PSD3: variants seen among roughly 807,000 people sequenced by gnomAD.
PSD3 encodes pleckstrin and Sec7 domain containing 3, also known as PH and SEC7 domain-containing protein 3.
PSD3 carries 49 observed loss-of-function variants against 105.5 expected under a neutral mutation model. The ratio of observed to expected loss-of-function variants is 0.46; its 90% CI spans 0.37 to 0.59. PSD3 has a LOEUF of 0.59. Ranked by LOEUF, PSD3 falls within the 20% of genes least tolerant of loss-of-function variation. The pLI, the probability that PSD3 is intolerant of heterozygous loss-of-function variation, is 0.00. For synonymous variants in PSD3, 557 were observed against 457.8 expected, an observed-to-expected ratio of 1.22 and a Z score of -2.77; for missense variants, 1,561 against 1,263.8, an observed-to-expected ratio of 1.24 and a Z score of -3.57.
intron 1 of PSD3, among the ~76,000 whole-genome samples, chr8:19,075,130 T>C (rs980231666): frequency 5.9e-5 from 9 of 151,576 alleles, no homozygotes; most frequent in Non-Finnish European, 8.8e-5. Flanking sequence ...GTATTTTCAG[T>C]AGAGACAGGA....
At chr8:18,653,453 A>G (rs13260938) in intron 10 of PSD3, among the ~76,000 whole-genome samples, 65,883 of 151,904 alleles carry the variant, frequency 0.43, 14,761 homozygotes, top group South Asian at 0.54. Flanking sequence ...CAGTGTTTTC[A>G]AACATTTCAG....
chr8:18,903,529 C>A (rs749789652), intron 2 of PSD3, among the ~76,000 whole-genome samples: 2 of 152,144 alleles, frequency 1.3e-5, no homozygotes, highest in Non-Finnish European at 2.9e-5. Context: ...ACCAGCTCCA[C>A]GGAAGCAGGA....
intron 4 of PSD3, among the ~76,000 whole-genome samples, chr8:18,826,648 G>C (rs1005732004): frequency 2.6e-5 from 4 of 152,202 alleles, no homozygotes; most frequent in Non-Finnish European, 4.4e-5. Flanking sequence ...TGTTATCTTT[G>C]AAGTTTGAAG....
chr8:18,870,991 C>A (rs953783503), intron 3 of PSD3, among the ~76,000 whole-genome samples: 21 of 152,058 alleles, frequency 1.4e-4, no homozygotes, highest in Non-Finnish European at 2.9e-4. Flanking sequence ...CCCAGCTACT[C>A]AGAGGGCTGA....
chr8:18,737,264 C>T (rs570497530), intron 9 of PSD3, among the ~76,000 whole-genome samples: 2 of 152,206 alleles, frequency 1.3e-5, no homozygotes, highest in East Asian at 1.9e-4. Context: ...AAATAGGGCC[C>T]ACAGTTAGAA....
intron 1 of PSD3, among the ~76,000 whole-genome samples, chr8:19,012,034 C>G (rs1052827295): frequency 2.0e-5 from 3 of 152,190 alleles, no homozygotes; most frequent in African/African-American, 7.2e-5. Flanking sequence ...TCCCCTCACC[C>G]TACCAGGAAA....
At chr8:18,834,952 G>C (rs1400019576) in intron 4 of PSD3, among the ~76,000 whole-genome samples, 1 of 152,124 alleles carries the variant, frequency 6.6e-6, no homozygotes, top group South Asian at 2.1e-4. Context: ...AGGGTAAGCA[G>C]ATAAGAATTA....
intron 9 of PSD3, among the ~76,000 whole-genome samples, chr8:18,721,845 T>C (rs1400265766): frequency 6.6e-6 from 1 of 152,162 alleles, no homozygotes; most frequent in Admixed American, 6.5e-5. Flanking sequence ...GTTCAAAATG[T>C]GTTGCATTAA....
At chr8:18,588,534 C>G (rs998110999) in intron 12 of PSD3, among the ~76,000 whole-genome samples, 7 of 152,138 alleles carry the variant, frequency 4.6e-5, no homozygotes, top group African/African-American at 1.7e-4. Context: ...GAAATAGCAA[C>G]CCGAACAATA....
At position 18,754,037 on chromosome 8, in the gene PSD3, C is replaced by T. The variant is rs1057274023; in HGVS notation, c.2172+11412G>A. ...ATCTGAGGAACATCACTTCCTTGAA[C>T]TCCATTCTTCTAATTCATGGCCAAA... On this transcript the variant is annotated intron_variant, in intron 9 of 15. Transcript: ENST00000327040. 2.6e-5 allele frequency among the ~76,000 whole-genome samples: 4 copies of T among 152,162 alleles called. No individual in the cohort carries two copies. In the East Asian group the frequency reaches 5.8e-4, roughly 22 times the overall value.
At chr8:18,774,585 T>G (rs552101956) in intron 8 of PSD3, 30 of 376,392 alleles carry the variant, frequency 8.0e-5, no homozygotes, top group South Asian at 6.6e-4. Flanking sequence ...TGGTACAGCC[T>G]GTTCCTGCTG....
chr8:18,687,335 G>C (rs1022142687), intron 9 of PSD3, among the ~76,000 whole-genome samples: 2 of 152,048 alleles, frequency 1.3e-5, no homozygotes, highest in Admixed American at 1.3e-4. Context: ...GCATGATGAT[G>C]AGCACCTGTG....
chr8:18,582,043 AC>A (rs1346517611), intron 12 of PSD3, among the ~76,000 whole-genome samples: 1 of 152,206 alleles, frequency 6.6e-6, no homozygotes, highest in Admixed American at 6.5e-5. Context: ...GACTTACTTT[AC>A]TTTAGAGTTC....
At chr8:18,823,082 G>C (rs1052863885) in intron 4 of PSD3, among the ~76,000 whole-genome samples, 4 of 127,556 alleles carry the variant, frequency 3.1e-5, no homozygotes, top group Non-Finnish European at 4.9e-5. Context: ...GAGGAAAAGG[G>C]AGAATGGAGA....
chr8:18,882,349 G>A (rs370679602), intron 2 of PSD3, among the ~76,000 whole-genome samples: 1 of 152,138 alleles, frequency 6.6e-6, no homozygotes, highest in African/African-American at 2.4e-5. Flanking sequence ...AAGGATTCAG[G>A]AAACAGTAGG....
At chr8:18,863,455 C>T (rs1341339296) in intron 4 of PSD3, among the ~76,000 whole-genome samples, 3 of 152,126 alleles carry the variant, frequency 2.0e-5, no homozygotes, top group Non-Finnish European at 2.9e-5. Flanking sequence ...GGGGATGCTC[C>T]TCTTTGCTTC....
intron 1 of PSD3, among the ~76,000 whole-genome samples, chr8:19,051,708 A>C (rs1289005937): frequency 6.6e-6 from 1 of 152,244 alleles, no homozygotes; most frequent in East Asian, 1.9e-4. Context: ...TTGGGGGATT[A>C]GCATGTTACC....
chr8:18,949,244 A>AAAAAAAAAATATATATATAT (rs1345423514), intron 1 of PSD3, among the ~76,000 whole-genome samples: 3 of 14,406 alleles, frequency 2.1e-4, no homozygotes, highest in Non-Finnish European at 5.4e-4. Flanking sequence ...AAAAAAAAAA[A>AAAAAAAAAATATATATATAT]ATATATATAT....
chr8:18,917,390 T>C (rs1820693872), intron 2 of PSD3, among the ~76,000 whole-genome samples: 1 of 152,138 alleles, frequency 6.6e-6, no homozygotes, highest in South Asian at 2.1e-4. Flanking sequence ...CTAAAAGTGA[T>C]CATGGCACGA....
Sources: gnomAD v4.1 joint callset for allele counts (sites outside exome capture counted in the v4.1 genomes callset) on GRCh38, gnomAD v4.1.1 for gene constraint, MANE v1.5 for transcripts, NCBI Gene and HGNC (gene_info 2026-07-23, HGNC 2026-07-21) for gene names.